GRIN2B: variants seen among roughly 807,000 people sequenced by gnomAD.
The protein encoded by GRIN2B is glutamate ionotropic receptor NMDA type subunit 2B.
GRIN2B carries 5 observed loss-of-function variants against 114.5 expected under a neutral mutation model. The observed-to-expected ratio is 0.04, with a 90% CI of 0.02 to 0.09. The LOEUF is 0.09. Ranked by LOEUF, GRIN2B falls within the 10% of genes least tolerant of loss-of-function variation. The probability of loss-of-function intolerance (pLI) is 1.00; values close to 1 mark genes in which losing one functional copy is unlikely to be tolerated. For synonymous variants in GRIN2B, 787 were observed against 745.1 expected (o/e 1.06, Z -0.92); for missense variants, 1,108 against 1,943.5 (o/e 0.57, Z 8.08).
intron 2 of GRIN2B, among the ~76,000 whole-genome samples, chr12:13,937,098 G>A (rs58584443): frequency 5.4e-5 from 2 of 37,142 alleles, no homozygotes; most frequent in African/African-American, 9.5e-5. Flanking sequence ...AAAAAAAAAG[G>A]GGGGGGGGAA....
intron 2 of GRIN2B, among the ~76,000 whole-genome samples, chr12:13,921,711 A>T (rs1307256423): frequency 6.6e-6 from 1 of 152,214 alleles, no homozygotes; most frequent in Non-Finnish European, 1.5e-5. Flanking sequence ...CAGAGTTTCC[A>T]TATAAATCTT....
rs3026184 is a variant in GRIN2B at position 13,753,999 on chromosome 12, C to G, written c.412-84G>C. On this transcript the variant is annotated intron_variant, in intron 3 of 13. Coordinates refer to ENST00000609686, the MANE Select transcript of GRIN2B (RefSeq NM_000834.5). The surrounding 1 kb of genome is among the most constrained non-coding windows in gnomAD (Gnocchi z 6.2). ...ATGGAGATTTTGAACCAAGTGGGTA[C>G]AAAGATTTGTGTTCATTACTTATTT... 1.8e-3 allele frequency: 1,430 copies of G among 808,404 alleles called. 1 individual carries two copies. Among genetic ancestry groups the G allele is most frequent in the Non-Finnish European group, 2.3e-3 (1,067 of 466,810 alleles). The allele number at this position is 808,404 out of a possible 1,614,324, so 50.1% of individuals were successfully genotyped here.
At chr12:13,895,049 C>T (rs1045565162) in intron 2 of GRIN2B, among the ~76,000 whole-genome samples, 1 of 152,118 alleles carries the variant, frequency 6.6e-6, no homozygotes, top group Non-Finnish European at 1.5e-5. Context: ...GGCATATGTA[C>T]TTTGTGTAAT....
At chr12:13,583,314 G>C (rs142050954) in intron 10 of GRIN2B, among the ~76,000 whole-genome samples, 12 of 152,142 alleles carry the variant, frequency 7.9e-5, no homozygotes, top group Non-Finnish European at 1.5e-4. Context: ...CATAATTTAC[G>C]TATAGTAACT....
intron 2 of GRIN2B, among the ~76,000 whole-genome samples, chr12:13,957,771 C>T (rs967988773): frequency 1.8e-4 from 27 of 152,202 alleles, no homozygotes; most frequent in Non-Finnish European, 3.8e-4. Context: ...GCAGGCTCTG[C>T]GGAGGCCCAT....
chr12:13,913,189 C>A (rs903457248), intron 2 of GRIN2B, among the ~76,000 whole-genome samples: 1 of 152,168 alleles, frequency 6.6e-6, no homozygotes, highest in East Asian at 1.9e-4. Flanking sequence ...GCCACGCTTA[C>A]CATGTTTCCT....
chr12:13,872,059 T>C (rs1312983448), intron 2 of GRIN2B, among the ~76,000 whole-genome samples: 1 of 151,810 alleles, frequency 6.6e-6, no homozygotes, highest in Non-Finnish European at 1.5e-5. Flanking sequence ...AGATTAAGTA[T>C]ATCAAACTTT....
Position 13,839,694 on chromosome 12 carries a change from C to T in GRIN2B, c.411+26104G>A, listed in dbSNP as rs565414878. The stretch of plus-strand genomic sequence containing the variant: ...GTCAGACAAAGGTCTTGTGACTGCA[C>T]GCCTCAGATTGATGCCACCATGGTC... On this transcript the variant is annotated intron_variant, in intron 3 of 13. Transcript: ENST00000609686. 3.3e-5 allele frequency among the ~76,000 whole-genome samples: 5 copies of T among 152,242 alleles called. No individual in the cohort carries two copies. In the East Asian group the frequency reaches 7.7e-4, roughly 24 times the overall value.
Position 13,641,179 on chromosome 12 carries a change from C to A in GRIN2B, c.1126-24522G>T, listed in dbSNP as rs1231928995. ...CTCCATCTCCTGGGTTCAAGTAATT[C>A]TCTTGCCTCAGTCTCCTAAGTAGCT... On this transcript the variant is annotated intron_variant, in intron 5 of 13. Coordinates refer to ENST00000609686, the MANE Select transcript of GRIN2B (RefSeq NM_000834.5). 2.0e-5 allele frequency among the ~76,000 whole-genome samples: 3 copies of A among 152,060 alleles called. No individual in the cohort carries two copies. The East Asian group carries it at 5.8e-4, about 29-fold the overall frequency.
intron 10 of GRIN2B, among the ~76,000 whole-genome samples, chr12:13,607,144 C>CA (rs1269407366): frequency 3.4e-5 from 3 of 87,484 alleles, no homozygotes; most frequent in East Asian, 3.2e-4. Context: ...ACCATGCACT[C>CA]AAAAAAAATA....
chr12:13,607,351 AAATATAT>A (rs1189286055), intron 10 of GRIN2B, among the ~76,000 whole-genome samples: 492 of 29,634 alleles, frequency 0.017, 10 homozygotes, highest in African/African-American at 0.024. Context: ...ATAATATATA[AAATATAT>A]AATATATATT....
intron 2 of GRIN2B, among the ~76,000 whole-genome samples, chr12:13,931,194 C>T (rs766194834): frequency 6.6e-6 from 1 of 152,128 alleles, no homozygotes; most frequent in Non-Finnish European, 1.5e-5. Flanking sequence ...TTTCCTAATA[C>T]TTGCAGAACA....
At chr12:13,567,413 T>G in intron 12 of GRIN2B, 150 bp from the exon 13 acceptor site, 2 of 651,882 alleles carry the variant, frequency 3.1e-6, no homozygotes, top group South Asian at 3.6e-5. Context: ...ATGAATAAAG[T>G]TAACAGTAAT....
chr12:13,842,136 C>T (rs1418110490), intron 3 of GRIN2B, among the ~76,000 whole-genome samples: 1 of 152,152 alleles, frequency 6.6e-6, no homozygotes, highest in Non-Finnish European at 1.5e-5. Flanking sequence ...GGTCATGGGA[C>T]ATCAGGGAGC....
chr12:13,728,499 A>G (rs1312255027), intron 4 of GRIN2B, among the ~76,000 whole-genome samples: 1 of 152,172 alleles, frequency 6.6e-6, no homozygotes, highest in East Asian at 1.9e-4. Flanking sequence ...ATACCTAAGG[A>G]GATACACAGA....
At chr12:13,609,129 A>G (rs892290797) in intron 9 of GRIN2B, among the ~76,000 whole-genome samples, 1 of 152,114 alleles carries the variant, frequency 6.6e-6, no homozygotes, top group Non-Finnish European at 1.5e-5. Context: ...CTGCCCCCAT[A>G]TACAAGACCC....
intron 2 of GRIN2B, among the ~76,000 whole-genome samples, chr12:13,932,654 C>G (rs1202338651): frequency 1.3e-5 from 2 of 152,222 alleles, no homozygotes; most frequent in African/African-American, 4.8e-5. Context: ...TCTATGATGC[C>G]TACCCTAAAG....
chr12:13,818,117 A>G (rs942023732), intron 3 of GRIN2B, among the ~76,000 whole-genome samples: 1 of 152,190 alleles, frequency 6.6e-6, no homozygotes, highest in Non-Finnish European at 1.5e-5. Flanking sequence ...TAACATTTGT[A>G]TGATATGTTG....
intron 3 of GRIN2B, among the ~76,000 whole-genome samples, chr12:13,801,190 G>A (rs7488866): frequency 2.6e-5 from 4 of 152,072 alleles, no homozygotes; most frequent in East Asian, 1.9e-4. Flanking sequence ...TCTATATAAC[G>A]AGGACAGTAC....
Sources: allele counts gnomAD v4.1 joint callset (sites outside exome capture counted in the v4.1 genomes callset), GRCh38; gene constraint gnomAD v4.1.1; non-coding constraint Gnocchi (gnomAD v3.1); transcripts MANE v1.5; gene names NCBI Gene and HGNC (gene_info 2026-07-23, HGNC 2026-07-21).